UNC13B: variants seen among roughly 807,000 people sequenced by gnomAD.
UNC13B encodes the protein protein unc-13 homolog B.
Under a neutral mutation model 211.0 loss-of-function variants are expected in UNC13B, and 144 were observed. The observed-to-expected ratio is 0.68, with a 90% CI of 0.60 to 0.78. The LOEUF (loss-of-function observed/expected upper bound fraction) is 0.78, where lower values mean the gene tolerates loss of function less well. Ranked by LOEUF, UNC13B falls within the 30% of genes least tolerant of loss-of-function variation. The pLI is 0.00. For synonymous variants in UNC13B, 709 were observed against 725.8 expected (o/e 0.98, Z 0.37); for missense variants, 1,777 against 2,002.0 (o/e 0.89, Z 2.14).
At chr9:35,251,085 C>G (rs1455416859) in intron 6 of UNC13B, among the ~76,000 whole-genome samples, 1 of 151,008 alleles carries the variant, frequency 6.6e-6, no homozygotes, top group Non-Finnish European at 1.5e-5. Context: ...GCCTCAGCCT[C>G]CGGAGTAGCT....
intron 11 of UNC13B, chr9:35,353,434 T>C: frequency 8.1e-7 from 1 of 1,232,060 alleles, no homozygotes; most frequent in Non-Finnish European, 1.0e-6. Flanking sequence ...GTTCAGGGGG[T>C]GCCCAGGATT....
At chr9:35,195,579 G>C (rs1019075632) in intron 1 of UNC13B, among the ~76,000 whole-genome samples, 1 of 152,114 alleles carries the variant, frequency 6.6e-6, no homozygotes, top group Non-Finnish European at 1.5e-5. Flanking sequence ...TAGCTGTTTT[G>C]TTAAATCTTG....
intron 2 of UNC13B, among the ~76,000 whole-genome samples, chr9:35,230,807 A>T (rs1313227215): frequency 6.6e-6 from 1 of 152,194 alleles, no homozygotes; most frequent in African/African-American, 2.4e-5. Context: ...GGAAATATCA[A>T]TGTATCATAT....
At position 35,191,731 on chromosome 9, in the gene UNC13B, G is replaced by A. The variant is rs183906244; in HGVS notation, c.22+29426G>A. Among the ~76,000 whole-genome samples the A allele has an allele frequency of 2.6e-5, 4 of 152,336 alleles. No homozygotes were observed. In the East Asian group the frequency reaches 7.7e-4, roughly 29 times the overall value. ...AGACACCCACCGTTGTAAAATGGCA[G>A]AGACTAAAACAAAGTATTGCCACGT... On this transcript the variant is annotated intron_variant, in intron 1 of 39. Transcript: ENST00000635942.
At chr9:35,403,026 T>C in intron 37 of UNC13B, 141 bp from the exon 38 acceptor site, 1 of 632,338 alleles carries the variant, frequency 1.6e-6, no homozygotes, top group South Asian at 2.1e-5. Flanking sequence ...CCCATTTCTT[T>C]CCCTTCTCCT....
At chr9:35,378,264 C>G in intron 16 of UNC13B, 31 bp from the exon 17 acceptor site, 1 of 1,613,674 alleles carries the variant, frequency 6.2e-7, no homozygotes, top group Non-Finnish European at 8.5e-7. Flanking sequence ...CTGAACGACT[C>G]TGAAGCCTCC....
rs374091771 is a variant in UNC13B, at chr9:35,380,657, G to A, written c.10375+18G>A. The A allele has an allele frequency of 2.4e-5, 39 of 1,613,812 alleles. No homozygotes were observed. The highest frequency in any genetic ancestry group is 1.6e-4 in the Middle Eastern group (1 of 6,074). On this transcript the variant is annotated intron_variant, in intron 18 of 39. Transcript: ENST00000635942. ...CAACTTGGGTGAGGAAACTGGACCC[G>A]AGAAAGTTGCTTGGAAGGGAAAGCA... is the stretch of plus-strand genomic sequence containing the variant.
chr9:35,175,864 T>A (rs35279833), intron 1 of UNC13B, among the ~76,000 whole-genome samples: 146,438 of 149,828 alleles, frequency 0.98, 71,634 homozygotes, highest in East Asian at 1. Flanking sequence ...TAAAAATATA[T>A]AAAAAAAAAA....
rs376239401 is a variant in UNC13B, at chr9:35,381,331, A to T, written c.10491+116A>T. Reference sequence around the variant, plus strand: ...AGGCCCATTTTAAATTTTATCCTTGATTCACTCTGTTACCCTGGAGAGTCC... The same window carrying T: ...AGGCCCATTTTAAATTTTATCCTTGTTTCACTCTGTTACCCTGGAGAGTCC... On this transcript the variant is annotated intron_variant, in intron 19 of 39. Coordinates refer to ENST00000635942, the MANE Select transcript of UNC13B (RefSeq NM_001371189.2). The T allele has an allele frequency of 5.7e-5, 59 of 1,039,652 alleles. No homozygotes were observed. The African/African-American group carries it at 7.1e-4, about 12-fold the overall frequency. The allele number at this position is 1,039,652 out of a possible 1,614,324, so 64.4% of individuals were successfully genotyped here.
chr9:35,378,143 C>G (rs1834563976), intron 16 of UNC13B, 152 bp from the exon 17 acceptor site: 1 of 1,119,610 alleles, frequency 8.9e-7, no homozygotes, highest in South Asian at 1.7e-5. Context: ...AAGGGAAAGG[C>G]TGGTGGCCCA....
intron 26 of UNC13B, among the ~76,000 whole-genome samples, chr9:35,394,517 AC>A (rs1262358954): frequency 6.6e-6 from 1 of 152,100 alleles, no homozygotes; most frequent in Non-Finnish European, 1.5e-5. Flanking sequence ...AATTGCTTGA[AC>A]CCAGGAGGCA....
At chr9:35,321,349 T>C (rs1325168671) in intron 11 of UNC13B, among the ~76,000 whole-genome samples, 1 of 152,114 alleles carries the variant, frequency 6.6e-6, no homozygotes, top group Non-Finnish European at 1.5e-5. Flanking sequence ...GCCTCCCAAG[T>C]AGCTGGGACT....
chr9:35,384,901 A>T, intron 22 of UNC13B: 1 of 681,456 alleles, frequency 1.5e-6, no homozygotes, highest in Non-Finnish European at 1.8e-6. Flanking sequence ...TACTTGCTTT[A>T]AAGTGTGTGA....
At chr9:35,284,083 A>T (rs1828654109) in intron 7 of UNC13B, among the ~76,000 whole-genome samples, 1 of 152,152 alleles carries the variant, frequency 6.6e-6, no homozygotes, top group African/African-American at 2.4e-5. Context: ...AACATGGTGA[A>T]ATCCCATCTC....
At chr9:35,351,216 C>A in intron 11 of UNC13B, 4 of 898,686 alleles carry the variant, frequency 4.5e-6, no homozygotes, top group Non-Finnish European at 5.5e-6. Flanking sequence ...TGTTTTTATT[C>A]CTGCTTGACA....
At position 35,398,398 on chromosome 9, in the gene UNC13B, G is replaced by A. The variant is rs190267098; in HGVS notation, c.11832+110G>A. The A allele has an allele frequency of 1.9e-4, 266 of 1,418,562 alleles. 1 individual carries two copies. The African/African-American group carries it at 3.5e-3, about 19-fold the overall frequency. 87.9% of individuals were successfully genotyped at this position (1,418,562 alleles called of 1,614,324 possible). Reference sequence around the variant, plus strand: ...GTGTAGGCCAGGAATTTAGCTTGGGGTCTGGGCTGGCTTAATCTGAGGTAG... The same window carrying A: ...GTGTAGGCCAGGAATTTAGCTTGGGATCTGGGCTGGCTTAATCTGAGGTAG... On this transcript the variant is annotated intron_variant, in intron 31 of 39. Coordinates refer to ENST00000635942, the MANE Select transcript of UNC13B (RefSeq NM_001371189.2).
intron 2 of UNC13B, among the ~76,000 whole-genome samples, 175 bp downstream of exon 2, chr9:35,228,219 C>A (rs960562954): frequency 2.3e-4 from 35 of 152,188 alleles, no homozygotes; most frequent in African/African-American, 8.4e-4. Context: ...TCTTGGCTAA[C>A]CCAATTCTAC....
intron 7 of UNC13B, among the ~76,000 whole-genome samples, chr9:35,259,615 T>C (rs1358109206): frequency 6.6e-6 from 1 of 152,050 alleles, no homozygotes; most frequent in Non-Finnish European, 1.5e-5. Context: ...TCTCCTGAGA[T>C]TGATTTGTCA....
chr9:35,402,054 G>A (rs1009446794), intron 37 of UNC13B: 10 of 1,530,476 alleles, frequency 6.5e-6, no homozygotes, highest in Non-Finnish European at 8.9e-6. Context: ...GGCTAACACT[G>A]ACCCCTGGGA....
Sources: gnomAD v4.1 joint callset for allele counts (sites outside exome capture counted in the v4.1 genomes callset) on GRCh38, gnomAD v4.1.1 for gene constraint, MANE v1.5 for transcripts, NCBI Gene and HGNC (gene_info 2026-07-23, HGNC 2026-07-21) for gene names.